ZBTB20: variants seen among roughly 807,000 people sequenced by gnomAD.
The protein encoded by ZBTB20 is zinc finger and BTB domain-containing protein 20.
ZBTB20 carries 9 observed loss-of-function variants against 56.9 expected under a neutral mutation model. The observed-to-expected ratio is 0.16, with a 90% confidence interval of 0.10 to 0.28. The LOEUF is 0.28. Ranked by LOEUF, ZBTB20 falls within the 10% of genes least tolerant of loss-of-function variation. The pLI is 1.00. For synonymous variants in ZBTB20, 417 were observed against 420.7 expected (o/e 0.99, Z 0.11); for missense variants, 655 against 1,003.0 (o/e 0.65, Z 4.69).
At position 114,493,493 on chromosome 3, in the gene ZBTB20, C is replaced by T. The variant is rs79014591; in HGVS notation, c.-255+6859G>A. On this transcript the variant is annotated intron_variant, in intron 7 of 11. Transcript: ENST00000675478. ...TTAGGATAAACACAAAAATCCTTAACATGGCCTACCAAGGACCTGTTATCA... is the reference window on the plus strand; with the variant it reads ...TTAGGATAAACACAAAAATCCTTAATATGGCCTACCAAGGACCTGTTATCA... Among the ~76,000 whole-genome samples the T allele has an allele frequency of 9.2e-3, 1,406 of 152,302 alleles. 22 individuals are homozygous for T. The highest frequency in any genetic ancestry group is 0.032 in the African/African-American group (1,321 of 41,550).
intron 1 of ZBTB20, among the ~76,000 whole-genome samples, chr3:115,115,945 T>A (rs927062678): frequency 2.0e-5 from 3 of 152,090 alleles, no homozygotes; most frequent in African/African-American, 7.2e-5. Flanking sequence ...TTATTTTTGA[T>A]CAATGTTCAA....
chr3:114,614,588 G>T (rs1351019979), intron 6 of ZBTB20, among the ~76,000 whole-genome samples: 1 of 152,130 alleles, frequency 6.6e-6, no homozygotes, highest in Admixed American at 6.5e-5. Context: ...GGGATTTTCT[G>T]AACCATGATA....
intron 7 of ZBTB20, among the ~76,000 whole-genome samples, chr3:114,499,161 T>C (rs2043644815): frequency 6.6e-6 from 1 of 152,190 alleles, no homozygotes; most frequent in Non-Finnish European, 1.5e-5. Flanking sequence ...CTATCAACAC[T>C]GAAATAGAGA....
At chr3:115,140,830 GAA>G (rs2084793068) in intron 1 of ZBTB20, among the ~76,000 whole-genome samples, 1 of 151,916 alleles carries the variant, frequency 6.6e-6, no homozygotes, top group African/African-American at 2.4e-5. Context: ...AAAAGTAATT[GAA>G]AAGAGATTAA....
At chr3:114,985,652 A>C (rs1281659271) in intron 2 of ZBTB20, among the ~76,000 whole-genome samples, 1 of 152,090 alleles carries the variant, frequency 6.6e-6, no homozygotes, top group East Asian at 1.9e-4. Context: ...TACTGCCAAA[A>C]TAGATGGGTC....
At chr3:114,371,300 G>A (rs190023994) in intron 10 of ZBTB20, among the ~76,000 whole-genome samples, 1 of 152,258 alleles carries the variant, frequency 6.6e-6, no homozygotes, top group East Asian at 1.9e-4. Flanking sequence ...CTGGTGATGT[G>A]AGGATACATA....
intron 8 of ZBTB20, chr3:114,388,310 A>C (rs1187251582): frequency 1.3e-5 from 2 of 152,220 alleles, no homozygotes; most frequent in African/African-American, 2.4e-5. Flanking sequence ...ATGATTAATG[A>C]ATACTTGATA....
chr3:114,316,517 T>C lies in ZBTB20; in HGVS notation c.*22488A>G. On this transcript the variant is annotated 3_prime_UTR_variant, in exon 12 of 12. Coordinates refer to ENST00000675478, the MANE Select transcript of ZBTB20 (RefSeq NM_001348800.3). ...ATGTATAATATATACACTATATATATGTGGATACATATAGGAAGTGTGTAT... is the reference window on the plus strand; with the variant it reads ...ATGTATAATATATACACTATATATACGTGGATACATATAGGAAGTGTGTAT... The C allele has an allele frequency of 3.8e-6, 2 of 532,714 alleles. No homozygotes were observed. Among genetic ancestry groups the C allele is most frequent in the Non-Finnish European group, 7.7e-6 (2 of 259,494 alleles). 33.0% of individuals were successfully genotyped at this position (532,714 alleles called of 1,614,324 possible).
intron 4 of ZBTB20, among the ~76,000 whole-genome samples, chr3:114,868,624 G>T (rs1261459473): frequency 6.6e-6 from 1 of 152,038 alleles, no homozygotes; most frequent in Non-Finnish European, 1.5e-5. Flanking sequence ...AATATACAAA[G>T]AAATGCAAAT....
intron 4 of ZBTB20, among the ~76,000 whole-genome samples, chr3:114,884,804 C>A (rs2076541598): frequency 6.6e-6 from 1 of 151,918 alleles, no homozygotes. Flanking sequence ...TCTTGATATA[C>A]AGAAAAGGAG....
At chr3:114,888,537 T>A (rs1208973580) in intron 4 of ZBTB20, among the ~76,000 whole-genome samples, 1 of 152,204 alleles carries the variant, frequency 6.6e-6, no homozygotes, top group Non-Finnish European at 1.5e-5. Context: ...AAATAAAAAA[T>A]TATTTATGTT....
At chr3:115,007,508 C>T (rs2079525606) in intron 2 of ZBTB20, among the ~76,000 whole-genome samples, 1 of 151,740 alleles carries the variant, frequency 6.6e-6, no homozygotes, top group African/African-American at 2.4e-5. Flanking sequence ...TTACTTATCC[C>T]TTTTTCTCAC....
chr3:114,748,370 CTCTCTCTCTT>C (rs1249965771), intron 5 of ZBTB20, among the ~76,000 whole-genome samples: 3 of 144,790 alleles, frequency 2.1e-5, no homozygotes, highest in African/African-American at 7.7e-5. Flanking sequence ...CTCTCTCTCT[CTCTCTCTCTT>C]TCTTTCTTTT....
intron 2 of ZBTB20, among the ~76,000 whole-genome samples, chr3:114,998,023 G>A (rs1295788351): frequency 2.6e-5 from 4 of 151,750 alleles, no homozygotes; most frequent in Non-Finnish European, 5.9e-5. Flanking sequence ...TGCTCAGCAT[G>A]TTTTGATATA....
chr3:114,758,154 G>A (rs975566662), intron 5 of ZBTB20, among the ~76,000 whole-genome samples: 1 of 152,042 alleles, frequency 6.6e-6, no homozygotes, highest in Non-Finnish European at 1.5e-5. Context: ...ATATATTCTG[G>A]TAATGTTGCT....
chr3:114,618,236 T>G (rs1560043731), intron 6 of ZBTB20, among the ~76,000 whole-genome samples: 1 of 86,834 alleles, frequency 1.2e-5, no homozygotes, highest in African/African-American at 3.9e-5. Context: ...AATGTTTCTT[T>G]CCTTTTTTTT....
In ZBTB20 at chr3:115,042,103, C is replaced by G. The variant is rs541172073; in HGVS notation, c.-507+29116G>C. Among the ~76,000 whole-genome samples, 5 of 151,952 alleles carry G rather than the reference C, an allele frequency of 3.3e-5. No individual in the cohort carries two copies. In the South Asian group the frequency reaches 1.0e-3, roughly 32 times the overall value. ...AAGACAAACTAAACCAGACTGAGAC[C>G]ATGCCATTTTAGCATTATGAAACAA... On this transcript the variant is annotated intron_variant, in intron 2 of 11. Coordinates refer to ENST00000675478, the MANE Select transcript of ZBTB20 (RefSeq NM_001348800.3).
intron 6 of ZBTB20, among the ~76,000 whole-genome samples, chr3:114,570,006 T>C (rs1349862975): frequency 6.6e-6 from 1 of 151,546 alleles, no homozygotes; most frequent in Non-Finnish European, 1.5e-5. Context: ...AAGAATATGA[T>C]AATAATTTGT....
At chr3:114,914,318 T>G (rs536149584) in intron 3 of ZBTB20, among the ~76,000 whole-genome samples, 46 of 152,170 alleles carry the variant, frequency 3.0e-4, no homozygotes, top group African/African-American at 1.0e-3. Context: ...CCTAGGTATT[T>G]AATTTTATCT....
Sources: allele counts gnomAD v4.1 joint callset (sites outside exome capture counted in the v4.1 genomes callset), GRCh38; gene constraint gnomAD v4.1.1; transcripts MANE v1.5; gene names NCBI Gene and HGNC (gene_info 2026-07-23, HGNC 2026-07-21).